Variants in ZNF717 observed in about 807,000 individuals in gnomAD.
The protein encoded by ZNF717 is krueppel-like factor X17.
ZNF717 carries 9 observed loss-of-function variants against 13.8 expected under a neutral mutation model. The observed-to-expected ratio is 0.65, with a 90% CI of 0.39 to 1.14. ZNF717 has a LOEUF of 1.14. Among genes scored for constraint, ZNF717 ranks in the 50% most tolerant of loss-of-function variants. The pLI, the probability that ZNF717 is intolerant of heterozygous loss-of-function variation, is 0.01. For missense variants in ZNF717, 1,040 were observed against 1,080.7 expected (o/e 0.96, Z 0.53); for synonymous variants, 327 against 364.1 (o/e 0.90, Z 1.16).
chr3:75,756,726 G>C (rs558179744), intron 2 of ZNF717, among the ~76,000 whole-genome samples: 1 of 151,954 alleles, frequency 6.6e-6, no homozygotes, highest in Admixed American at 6.6e-5. Flanking sequence ...CCAAGCTAGA[G>C]TGCAATGGCG....
chr3:75,778,971 G>C (rs537557833), intron 2 of ZNF717, among the ~76,000 whole-genome samples: 1 of 151,694 alleles, frequency 6.6e-6, no homozygotes, highest in Non-Finnish European at 1.5e-5. Context: ...AAAACAATGG[G>C]AGTGCTGTGC....
At chr3:75,708,699 A>G (rs1168841130), downstream of ZNF717, among the ~76,000 whole-genome samples, 1 of 152,206 alleles carries the variant, frequency 6.6e-6, no homozygotes, top group African/African-American at 2.4e-5. Flanking sequence ...AACCAATGGC[A>G]AAGAAGTTAA....
chr3:75,767,121 G>A (rs1448457162), intron 2 of ZNF717, among the ~76,000 whole-genome samples: 1 of 152,238 alleles, frequency 6.6e-6, no homozygotes, highest in Non-Finnish European at 1.5e-5. Context: ...ACTTATCCAG[G>A]AGAAAGCCAG....
chr3:75,713,272 T>C (rs1210860930), intron 5 of ZNF717, among the ~76,000 whole-genome samples: 4 of 152,048 alleles, frequency 2.6e-5, no homozygotes, highest in Non-Finnish European at 5.9e-5. Flanking sequence ...CACCTCAGCC[T>C]CCCCAGTAGC....
intron 2 of ZNF717, among the ~76,000 whole-genome samples, chr3:75,761,043 T>C (rs1942962232): frequency 6.6e-6 from 1 of 152,196 alleles, no homozygotes; most frequent in Middle Eastern, 3.4e-3. Context: ...CAACTTAGAA[T>C]AAATTTATAA....
intron 5 of ZNF717, among the ~76,000 whole-genome samples, chr3:75,715,948 C>A (rs1263275939): frequency 6.7e-6 from 1 of 150,118 alleles, no homozygotes; most frequent in African/African-American, 2.5e-5. Context: ...TTTGAGAATG[C>A]GATTCTGGTT....
intron 2 of ZNF717, among the ~76,000 whole-genome samples, chr3:75,769,805 C>A (rs956598656): frequency 6.6e-6 from 1 of 152,184 alleles, no homozygotes; most frequent in African/African-American, 2.4e-5. Context: ...TTTCCTTACT[C>A]ATTTTAAGCG....
At chr3:75,774,314 C>T (rs1378092054) in intron 2 of ZNF717, among the ~76,000 whole-genome samples, 1 of 152,058 alleles carries the variant, frequency 6.6e-6, no homozygotes, top group East Asian at 1.9e-4. Flanking sequence ...AAATGAATGA[C>T]TTACGGTGAC....
Position 75,739,148 on chromosome 3 carries a change from A to G in ZNF717, c.475T>C (p.Phe159Leu), listed in dbSNP as rs1274163427. 5 of 1,550,584 alleles carry G rather than the reference A, an allele frequency of 3.2e-6. No individual in the cohort carries two copies. Among genetic ancestry groups the G allele is most frequent in the Non-Finnish European group, 4.4e-6 (5 of 1,146,354 alleles). The change falls in exon 5 of 5, where the codon TTT becomes CTT. Residue 159 changes from phenylalanine (F) to leucine (L), a missense_variant. Phe to Leu is a conservative substitution (Grantham distance 22). Transcript: ENST00000652011. Reference protein sequence around the residue: ...GNSSGMKPGQFNDCQNMLFPI... With the variant: ...GNSSGMKPGQLNDCQNMLFPI... The stretch of plus-strand genomic sequence containing the variant: ...AAAAGCATGTTCTGGCAATCATTAA[A>G]CTGCCCAGGCTTCATTCCTGAACTG...
In ZNF717 at chr3:75,736,706, G is replaced by A. The variant is rs112564564; in HGVS notation, c.*172C>T. ...TATCTGTGACATTAAAGTGCAAAGTGTGCTGTAAAAATGGGAACAACAAAG... is the reference window on the plus strand; with the variant it reads ...TATCTGTGACATTAAAGTGCAAAGTATGCTGTAAAAATGGGAACAACAAAG... On this transcript the variant is annotated 3_prime_UTR_variant, in exon 5 of 5. Coordinates refer to ENST00000652011, the MANE Select transcript of ZNF717 (RefSeq NM_001290208.3). 1.6e-6 allele frequency: 1 copy of A among 637,642 alleles called. No individual in the cohort carries two copies. 39.5% of individuals were successfully genotyped at this position (637,642 alleles called of 1,614,324 possible).
chr3:75,758,328 A>G (rs9859094), intron 2 of ZNF717, among the ~76,000 whole-genome samples: 106,603 of 151,390 alleles, frequency 0.7, 38,557 homozygotes, highest in African/African-American at 0.87. Flanking sequence ...TTGCTTCCAC[A>G]GATGAGCAAA....
chr3:75,773,944 G>A (rs186717785), intron 2 of ZNF717, among the ~76,000 whole-genome samples: 38 of 152,290 alleles, frequency 2.5e-4, no homozygotes, highest in African/African-American at 8.9e-4. Flanking sequence ...AGCTACTCAG[G>A]AGGCTGGGGC....
At chr3:75,766,447 ATAAAAG>A (rs1943474439) in intron 2 of ZNF717, among the ~76,000 whole-genome samples, 1 of 152,246 alleles carries the variant, frequency 6.6e-6, no homozygotes, top group African/African-American at 2.4e-5. Context: ...GGGTACTTTC[ATAAAAG>A]TAAAAGAATC....
intron 2 of ZNF717, among the ~76,000 whole-genome samples, chr3:75,768,735 A>C (rs1943685912): frequency 6.6e-6 from 1 of 151,082 alleles, no homozygotes; most frequent in Admixed American, 6.6e-5. Flanking sequence ...GGTAGATGAC[A>C]GGCCACCACA....
At position 75,779,107 on chromosome 3, in the gene ZNF717, A is replaced by C. The variant is rs1392142468; in HGVS notation, c.57+4199T>G. ...CCTGCTAAACTAGGAACCCAAAACA[A>C]TGGGATTGACGTGCTAAAACCAGAA... On this transcript the variant is annotated intron_variant, in intron 2 of 4. Transcript: ENST00000652011. Among the ~76,000 whole-genome samples the C allele has an allele frequency of 3.3e-5, 5 of 151,910 alleles. No individual in the cohort carries two copies. The East Asian group carries it at 9.7e-4, about 30-fold the overall frequency.
chr3:75,719,561 CTTGA>C (rs1938127865), intron 4 of ZNF717, among the ~76,000 whole-genome samples: 1 of 152,130 alleles, frequency 6.6e-6, no homozygotes, highest in African/African-American at 2.4e-5. Flanking sequence ...GCTTTTTGTT[CTTGA>C]TTAACAGTGA....
At chr3:75,718,568 C>G (rs77388087) in intron 4 of ZNF717, among the ~76,000 whole-genome samples, 1 of 151,896 alleles carries the variant, frequency 6.6e-6, no homozygotes, top group Non-Finnish European at 1.5e-5. Context: ...ATCAGTGGTC[C>G]CCAGCCTTTT....
In ZNF717 at chr3:75,695,324, GATAA is replaced by G. The variant is rs1937591767; in HGVS notation, n.1085+15859_1085+15862del. ...TATGCACCCAACACTAAAGCACCTA[GATAA>G]ATAAACCAAATATTATAAGAACTAA... On this transcript the variant is annotated intron_variant and non_coding_transcript_variant, in intron 6 of 6. Coordinates refer to the ZNF717 transcript ENST00000648506. Among the ~76,000 whole-genome samples, 8 of 152,412 alleles carry G rather than the reference GATAA, an allele frequency of 5.2e-5. No individual in the cohort carries two copies. In the South Asian group the frequency reaches 1.4e-3, roughly 28 times the overall value.
chr3:75,720,312 A>C (rs2106859657), intron 4 of ZNF717, among the ~76,000 whole-genome samples: 1 of 152,344 alleles, frequency 6.6e-6, no homozygotes, highest in Middle Eastern at 3.4e-3. Flanking sequence ...GCCATAAAAA[A>C]GAATGAAATA....
Sources: allele counts gnomAD v4.1 joint callset (sites outside exome capture counted in the v4.1 genomes callset), GRCh38; gene constraint gnomAD v4.1.1; transcripts MANE v1.5; gene names NCBI Gene and HGNC (gene_info 2026-07-23, HGNC 2026-07-21).